TENM4: variants seen among roughly 807,000 people sequenced by gnomAD.
The protein encoded by TENM4 is teneurin transmembrane protein 4.
Under a neutral mutation model 243.3 loss-of-function variants are expected in TENM4, and 82 were observed. The ratio of observed to expected loss-of-function variants is 0.34; its 90% CI spans 0.28 to 0.40. The LOEUF is 0.40. Ranked by LOEUF, TENM4 falls within the 10% of genes least tolerant of loss-of-function variation. The probability of loss-of-function intolerance (pLI) is 1.00; values close to 1 mark genes in which losing one functional copy is unlikely to be tolerated. For missense variants in TENM4, 3,138 were observed against 3,673.3 expected, an observed-to-expected ratio of 0.85 and a Z score of 3.77; for synonymous variants, 1,412 against 1,456.3, an observed-to-expected ratio of 0.97 and a Z score of 0.69.
chr11:78,899,581 A>C (rs1855883985), intron 7 of TENM4, among the ~76,000 whole-genome samples: 1 of 150,776 alleles, frequency 6.6e-6, no homozygotes, highest in Admixed American at 6.6e-5. Context: ...GAAAAAGAAA[A>C]AAGAAAGAAA....
At chr11:79,110,835 C>T (rs546552778) in intron 4 of TENM4, among the ~76,000 whole-genome samples, 13 of 152,270 alleles carry the variant, frequency 8.5e-5, no homozygotes, top group Non-Finnish European at 1.9e-4. Flanking sequence ...CCTGCTCTCC[C>T]CGGCTAACTT....
At chr11:78,711,317 C>T (rs1011386944) in intron 26 of TENM4, among the ~76,000 whole-genome samples, 10 of 152,198 alleles carry the variant, frequency 6.6e-5, no homozygotes, top group African/African-American at 2.4e-4. Flanking sequence ...CGGGGTACTA[C>T]TGCGCTAAGC....
chr11:78,870,804 C>T (rs375817108), intron 9 of TENM4, among the ~76,000 whole-genome samples: 2 of 152,182 alleles, frequency 1.3e-5, no homozygotes, highest in African/African-American at 4.8e-5. Context: ...ACCACCAATA[C>T]AGAGGAGGAA....
intron 6 of TENM4, among the ~76,000 whole-genome samples, chr11:78,914,874 G>A (rs146230228): frequency 1.6e-4 from 24 of 152,342 alleles, no homozygotes; most frequent in African/African-American, 4.8e-4. Flanking sequence ...AGTCAGGCCA[G>A]GGGCATAGTG....
At chr11:79,241,003 G>A (rs1437853674) in intron 2 of TENM4, among the ~76,000 whole-genome samples, 1 of 152,006 alleles carries the variant, frequency 6.6e-6, no homozygotes, top group Non-Finnish European at 1.5e-5. Context: ...TTCCAGCGCT[G>A]TATTTATTTT....
chr11:79,387,068 T>A (rs1428663228), intron 1 of TENM4, among the ~76,000 whole-genome samples: 2 of 152,120 alleles, frequency 1.3e-5, no homozygotes, highest in Non-Finnish European at 2.9e-5. Flanking sequence ...TATGCAGCAA[T>A]GAAATGAATA....
intron 6 of TENM4, among the ~76,000 whole-genome samples, chr11:79,047,920 A>G (rs1859698647): frequency 6.6e-6 from 1 of 152,200 alleles, no homozygotes; most frequent in Admixed American, 6.5e-5. Context: ...ATTATTAAAT[A>G]AATAATTATT....
intron 19 of TENM4, among the ~76,000 whole-genome samples, chr11:78,748,890 G>C (rs886507305): frequency 6.6e-6 from 1 of 152,092 alleles, no homozygotes; most frequent in African/African-American, 2.4e-5. Flanking sequence ...AACCTGGCAG[G>C]GTGGAATTAG....
intron 4 of TENM4, among the ~76,000 whole-genome samples, chr11:79,138,422 A>G (rs1259832588): frequency 8.6e-6 from 1 of 116,676 alleles, no homozygotes; most frequent in Non-Finnish European, 1.6e-5. Context: ...TATATATTAT[A>G]TTATATATAA....
At chr11:79,388,096 T>C (rs1327012626) in intron 1 of TENM4, among the ~76,000 whole-genome samples, 1 of 152,242 alleles carries the variant, frequency 6.6e-6, no homozygotes, top group Admixed American at 6.5e-5. Flanking sequence ...TGAAATGTTC[T>C]GGGAGTTTCT....
chr11:78,794,686 G>A (rs866326915), intron 15 of TENM4, among the ~76,000 whole-genome samples: 9 of 152,338 alleles, frequency 5.9e-5, no homozygotes, highest in Middle Eastern at 6.8e-3. Flanking sequence ...CCAGGGAGCT[G>A]TGAGTGATGG....
intron 1 of TENM4, among the ~76,000 whole-genome samples, chr11:79,429,735 A>G (rs975397645): frequency 5.9e-5 from 9 of 152,322 alleles, no homozygotes; most frequent in Admixed American, 2.0e-4. Flanking sequence ...CATCAGTAGC[A>G]GAGAAAAATG....
At chr11:79,406,749 C>T (rs988404579) in intron 1 of TENM4, among the ~76,000 whole-genome samples, 1 of 151,980 alleles carries the variant, frequency 6.6e-6, no homozygotes, top group African/African-American at 2.4e-5. Context: ...GGTCTCCTGG[C>T]TCCTAAGTCT....
intron 7 of TENM4, among the ~76,000 whole-genome samples, chr11:78,895,613 C>T (rs1565428147): frequency 6.6e-6 from 1 of 152,178 alleles, no homozygotes; most frequent in Non-Finnish European, 1.5e-5. Context: ...CAAATGCCCA[C>T]CTTTCTTGAT....
At chr11:79,265,611 C>A in intron 2 of TENM4, among the ~76,000 whole-genome samples, 1 of 152,174 alleles carries the variant, frequency 6.6e-6, no homozygotes, top group South Asian at 2.1e-4. Flanking sequence ...TTGGAGTGTG[C>A]GGCTCTGAGC....
chr11:79,374,556 A>AGATATATCTATATCTATATAGATG (rs1857852959), intron 1 of TENM4, among the ~76,000 whole-genome samples: 1 of 150,282 alleles, frequency 6.7e-6, no homozygotes, highest in African/African-American at 2.5e-5. Context: ...ATATATCTAT[A>AGATATATCTATATCTATATAGATG]TAGATATAGA....
intron 6 of TENM4, among the ~76,000 whole-genome samples, chr11:79,016,334 C>A (rs916380749): frequency 6.6e-6 from 1 of 151,980 alleles, no homozygotes; most frequent in African/African-American, 2.4e-5. Flanking sequence ...ACCAACAGGA[C>A]TTGTTGGTGA....
Position 78,771,122 on chromosome 11 carries a change from C to A in TENM4, c.2409G>T (p.Leu803Phe), listed in dbSNP as rs866776342. ...AGGTACATCTGCCGTTGCCATTGCA[C>A]AACCCAGGGCAACCCTCTGAAAGAC... ...DRVVKEGCPG[L>F]CNGNGRCTLD... The change falls in exon 18 of 34, where the codon TTG becomes TTT. Residue 803 changes from leucine (L) to phenylalanine (F), a missense_variant. Transcript: ENST00000278550. The A allele has an allele frequency of 6.4e-7, 1 of 1,567,940 alleles. No individual in the cohort carries two copies. Among genetic ancestry groups the A allele is most frequent in the Non-Finnish European group, 8.6e-7 (1 of 1,156,242 alleles).
intron 1 of TENM4, among the ~76,000 whole-genome samples, chr11:79,353,448 T>TG (rs1386854849): frequency 6.6e-6 from 1 of 152,112 alleles, no homozygotes; most frequent in Non-Finnish European, 1.5e-5. Flanking sequence ...ACGTGGTTTT[T>TG]GGGGAAAAAA....
Sources: allele counts gnomAD v4.1 joint callset (sites outside exome capture counted in the v4.1 genomes callset), GRCh38; gene constraint gnomAD v4.1.1; transcripts MANE v1.5; gene names NCBI Gene and HGNC (gene_info 2026-07-23, HGNC 2026-07-21).